The following KDM4C variants were observed in gnomAD, a reference collection of about 807,000 sequenced individuals.
The protein encoded by KDM4C is lysine-specific demethylase 4C.
Under a neutral mutation model 129.3 loss-of-function variants are expected in KDM4C, and 81 were observed. That is an observed-to-expected ratio of 0.63 (90% CI 0.52 to 0.75). The LOEUF (loss-of-function observed/expected upper bound fraction) is 0.75, where lower values mean the gene tolerates loss of function less well. Among genes scored for constraint, KDM4C ranks in the 30% least tolerant of loss-of-function variants. The pLI is 0.00. For missense variants in KDM4C, 1,457 were observed against 1,304.0 expected (o/e 1.12, Z -1.81); for synonymous variants, 573 against 456.1 (o/e 1.26, Z -3.26).
intron 3 of KDM4C, among the ~76,000 whole-genome samples, chr9:6,811,111 G>A (rs1293666498): frequency 6.6e-6 from 1 of 152,168 alleles, no homozygotes; most frequent in Non-Finnish European, 1.5e-5. Context: ...GAATGGTCAT[G>A]TTAGGAGATT....
chr9:6,943,239 T>C (rs559173619), intron 8 of KDM4C, among the ~76,000 whole-genome samples: 15 of 152,324 alleles, frequency 9.8e-5, no homozygotes, highest in South Asian at 2.1e-4. Flanking sequence ...TTGGAAACAA[T>C]TGAATGTGAT....
intron 18 of KDM4C, among the ~76,000 whole-genome samples, chr9:7,116,603 G>A (rs903569339): frequency 3.9e-5 from 6 of 152,176 alleles, no homozygotes; most frequent in African/African-American, 1.4e-4. Flanking sequence ...CAATCTGACA[G>A]ATGGATTTAG....
intron 19 of KDM4C, among the ~76,000 whole-genome samples, chr9:7,149,260 C>T (rs1408395210): frequency 1.3e-5 from 2 of 152,258 alleles, no homozygotes; most frequent in African/African-American, 4.8e-5. Context: ...GGCTGGGTCG[C>T]TACAGTGCCT....
At chr9:6,888,128 T>A (rs1845564951) in intron 7 of KDM4C, 65 bp downstream of exon 7, 3 of 822,472 alleles carry the variant, frequency 3.6e-6, no homozygotes, top group Non-Finnish European at 5.6e-6. Flanking sequence ...TAAGAAGTAA[T>A]GTATCTTTAA....
intron 8 of KDM4C, among the ~76,000 whole-genome samples, chr9:6,924,167 A>G (rs1822053820): frequency 6.6e-6 from 1 of 152,196 alleles, no homozygotes; most frequent in Admixed American, 6.5e-5. Context: ...AATACAGAAT[A>G]AGAACATACT....
intron 1 of KDM4C, among the ~76,000 whole-genome samples, chr9:6,741,868 T>C (rs1817709209): frequency 2.7e-5 from 4 of 150,022 alleles, no homozygotes; most frequent in African/African-American, 2.5e-5. Context: ...ATGCCTGGCC[T>C]GTTAAGCATT....
At chr9:6,886,490 T>C (rs1460814852) in intron 6 of KDM4C, among the ~76,000 whole-genome samples, 1 of 144,780 alleles carries the variant, frequency 6.9e-6, no homozygotes, top group Non-Finnish European at 1.5e-5. Flanking sequence ...TTTTTTTTTT[T>C]CTTTTTTCCT....
chr9:6,959,619 T>A (rs981191464), intron 8 of KDM4C, among the ~76,000 whole-genome samples: 2 of 152,208 alleles, frequency 1.3e-5, no homozygotes, highest in Non-Finnish European at 2.9e-5. Flanking sequence ...TAGATTTGTT[T>A]CAATTTAAGA....
intron 12 of KDM4C, among the ~76,000 whole-genome samples, chr9:7,005,075 T>C (rs558911521): frequency 6.6e-6 from 1 of 152,258 alleles, no homozygotes; most frequent in South Asian, 2.1e-4. Context: ...AGAAGGTAGT[T>C]GACATTGTGG....
chr9:6,974,399 G>A (rs540566558), intron 8 of KDM4C, among the ~76,000 whole-genome samples: 205 of 152,116 alleles, frequency 1.3e-3, no homozygotes, highest in African/African-American at 4.6e-3. Context: ...TTACTCTGTC[G>A]TCCAGGCTGG....
rs535835705 is a variant in KDM4C, at chr9:6,921,666, T to G, written c.921+28434T>G. 4.6e-5 allele frequency among the ~76,000 whole-genome samples: 7 copies of G among 152,318 alleles called. No homozygotes were observed. In the South Asian group the frequency reaches 1.5e-3, roughly 32 times the overall value. The stretch of plus-strand genomic sequence containing the variant: ...CCAGCATGACAGCTTTAAAACCATT[T>G]GTCAGATTGTGTATACTTCTGCTCA... On this transcript the variant is annotated intron_variant, in intron 8 of 21. Coordinates refer to ENST00000381309, the MANE Select transcript of KDM4C (RefSeq NM_015061.6).
intron 17 of KDM4C, among the ~76,000 whole-genome samples, chr9:7,066,612 G>A (rs920053932): frequency 6.6e-6 from 1 of 152,046 alleles, no homozygotes; most frequent in Non-Finnish European, 1.5e-5. Flanking sequence ...TTTTTATAGT[G>A]GTATTTGTTA....
intron 1 of KDM4C, among the ~76,000 whole-genome samples, chr9:6,731,395 C>T (rs1003776454): frequency 2.1e-5 from 3 of 143,502 alleles, no homozygotes; most frequent in Admixed American, 7.5e-5. Flanking sequence ...GGCACGATCT[C>T]AGCTCACCGC....
chr9:6,852,417 A>G (rs1386159466), intron 5 of KDM4C, among the ~76,000 whole-genome samples: 1 of 152,180 alleles, frequency 6.6e-6, no homozygotes, highest in Admixed American at 6.5e-5. Context: ...CCCCCAAGTC[A>G]CAAGGTTAGC....
chr9:6,835,395 G>A, intron 4 of KDM4C: 1 of 1,125,854 alleles, frequency 8.9e-7, no homozygotes, highest in Non-Finnish European at 1.4e-6. Context: ...GGATGCAGAA[G>A]GAGATCACCG....
At chr9:6,727,606 A>AATTAGCTGGGTATGGTGGCAGG (rs1817179854) in intron 1 of KDM4C, among the ~76,000 whole-genome samples, 1 of 87,124 alleles carries the variant, frequency 1.1e-5, no homozygotes, top group African/African-American at 5.1e-5. Context: ...ATAAAAAAAA[A>AATTAGCTGGGTATGGTGGCAGG]ACTTGTACTA....
intron 17 of KDM4C, among the ~76,000 whole-genome samples, 158 bp downstream of exon 17, chr9:7,049,358 A>C (rs987375699): frequency 3.3e-5 from 5 of 152,076 alleles, no homozygotes; most frequent in African/African-American, 1.2e-4. Context: ...TTATTCTTAC[A>C]AATTCTTTTC....
rs529767036 is a variant in KDM4C at position 7,134,383 on chromosome 9, A to G, written c.2781+6147A>G. On this transcript the variant is annotated intron_variant, in intron 19 of 21. Transcript: ENST00000381309. ...ATTTATAAATCTAATATTTGCATAA[A>G]AAAAGAACAAACTCATTTGTTCCTT... Among the ~76,000 whole-genome samples the G allele has an allele frequency of 2.3e-3, 343 of 152,326 alleles. 1 individual carries two copies. Among genetic ancestry groups the G allele is most frequent in the South Asian group, 0.02 (96 of 4,826 alleles).
intron 8 of KDM4C, among the ~76,000 whole-genome samples, chr9:6,951,108 A>G (rs1473435574): frequency 1.3e-5 from 2 of 152,128 alleles, no homozygotes; most frequent in African/African-American, 4.8e-5. Flanking sequence ...AATACATACA[A>G]TTTATAGTGA....
Sources: allele counts gnomAD v4.1 joint callset (sites outside exome capture counted in the v4.1 genomes callset), GRCh38; gene constraint gnomAD v4.1.1; transcripts MANE v1.5; gene names NCBI Gene and HGNC (gene_info 2026-07-23, HGNC 2026-07-21).